GLRA3: variants seen among roughly 807,000 people sequenced by gnomAD.
The protein encoded by GLRA3 is glycine receptor subunit alpha-3.
A neutral mutation model predicts 60.4 loss-of-function variants in GLRA3; 44 were observed. The ratio of observed to expected loss-of-function variants is 0.73; its 90% confidence interval spans 0.57 to 0.94. The LOEUF is 0.94. Among genes scored for constraint, GLRA3 ranks in the 40% least tolerant of loss-of-function variants. The probability of loss-of-function intolerance (pLI) is 0.00; values close to 1 mark genes in which losing one functional copy is unlikely to be tolerated. For synonymous variants in GLRA3, 223 were observed against 192.9 expected (o/e 1.16, Z -1.29); for missense variants, 508 against 564.6 (o/e 0.90, Z 1.02).
chr4:174,791,511 T>C (rs1026828729), intron 1 of GLRA3, among the ~76,000 whole-genome samples: 14 of 152,236 alleles, frequency 9.2e-5, no homozygotes, highest in African/African-American at 3.4e-4. Flanking sequence ...TCTGTCATGC[T>C]GCTTTTCAAC....
At chr4:174,658,080 A>G (rs1733282230) in intron 8 of GLRA3, among the ~76,000 whole-genome samples, 1 of 152,198 alleles carries the variant, frequency 6.6e-6, no homozygotes, top group Non-Finnish European at 1.5e-5. Context: ...ATAATTTATA[A>G]AGAAACCTTA....
chr4:174,747,184 G>A (rs1375444695), intron 3 of GLRA3, among the ~76,000 whole-genome samples: 1 of 152,164 alleles, frequency 6.6e-6, no homozygotes, highest in Non-Finnish European at 1.5e-5. Flanking sequence ...GTGGCCATGT[G>A]ACCTAAGAGG....
Position 174,788,860 on chromosome 4 carries a change from C to A in GLRA3, c.155G>T (p.Gly52Val). The A allele has an allele frequency of 6.2e-7, 1 of 1,607,718 alleles. No individual in the cohort carries two copies. The highest frequency in any genetic ancestry group is 8.5e-7 in the Non-Finnish European group (1 of 1,175,182). ...TCTTGCATCATATCCTGATGTCCTG[C>A]CCATTAATTTATCCAGAAAATCAGA... ...SPSDFLDKLMGRTSGYDARIR... is the reference protein window; with the variant it reads ...SPSDFLDKLMVRTSGYDARIR... Residue 52 changes from glycine (G) to valine (V), a missense_variant, in exon 2 of 10, where the codon GGC becomes GTC. Gly to Val is a moderately radical substitution (Grantham distance 109, BLOSUM62 -3). Transcript: ENST00000274093.
chr4:174,798,788 G>A (rs1308729498), intron 1 of GLRA3, among the ~76,000 whole-genome samples: 6 of 152,170 alleles, frequency 3.9e-5, no homozygotes, highest in African/African-American at 4.8e-5. Context: ...GCTGGGTGTG[G>A]TGGTGAGCGC....
chr4:174,669,737 T>C (rs559517655), intron 7 of GLRA3, among the ~76,000 whole-genome samples: 4 of 152,054 alleles, frequency 2.6e-5, no homozygotes, highest in East Asian at 1.9e-4. Context: ...TACCACACTT[T>C]GCTAATTAAA....
intron 1 of GLRA3, among the ~76,000 whole-genome samples, chr4:174,797,694 C>T (rs10027130): frequency 3.3e-5 from 5 of 151,748 alleles, no homozygotes; most frequent in East Asian, 1.9e-4. Context: ...CAGCACCGGG[C>T]GGCCAAGGTG....
Position 174,769,010 on chromosome 4 carries a change from G to A in GLRA3, c.200-1980C>T, listed in dbSNP as rs79763373. ...TTCTTTGTTTTTTTTTAAACTGAGCGTAATTTTTGAGTAAATTGATCTTAC... is the reference window on the plus strand; with the variant it reads ...TTCTTTGTTTTTTTTTAAACTGAGCATAATTTTTGAGTAAATTGATCTTAC... On this transcript the variant is annotated intron_variant, in intron 2 of 9. Coordinates refer to ENST00000274093, the MANE Select transcript of GLRA3 (RefSeq NM_006529.4). 5.4e-3 allele frequency among the ~76,000 whole-genome samples: 814 copies of A among 152,054 alleles called. 6 individuals carry two copies. The highest frequency in any genetic ancestry group is 0.019 in the African/African-American group (768 of 41,496).
At chr4:174,757,409 A>T (rs1561099038) in intron 3 of GLRA3, among the ~76,000 whole-genome samples, 1 of 152,186 alleles carries the variant, frequency 6.6e-6, no homozygotes, top group Non-Finnish European at 1.5e-5. Context: ...TAAAAGAAAA[A>T]GAATTCTTGC....
rs546072156 is a variant in GLRA3, at chr4:174,763,647, G to T, written c.267+3316C>A. On this transcript the variant is annotated intron_variant, in intron 3 of 9. Transcript: ENST00000274093. ...ATCCACAACTCATCATAGGTTTGCAGGAGCACACTTCATATAAAAGCCACT... is the reference window on the plus strand; with the variant it reads ...ATCCACAACTCATCATAGGTTTGCATGAGCACACTTCATATAAAAGCCACT... Among the ~76,000 whole-genome samples, 13 of 152,224 alleles carry T rather than the reference G, an allele frequency of 8.5e-5. 1 individual carries two copies. The South Asian group carries it at 2.5e-3, about 29-fold the overall frequency.
chr4:174,677,834 G>A (rs1734191304), intron 6 of GLRA3, among the ~76,000 whole-genome samples: 1 of 152,306 alleles, frequency 6.6e-6, no homozygotes, highest in African/African-American at 2.4e-5. Flanking sequence ...GACTTGAAAA[G>A]TGCTTTACAC....
rs570517723 is a variant in GLRA3, at chr4:174,663,580, G to C, written c.928-4383C>G. Among the ~76,000 whole-genome samples, 9 of 152,268 alleles carry C rather than the reference G, an allele frequency of 5.9e-5. No individual in the cohort carries two copies. The East Asian group carries it at 1.7e-3, about 29-fold the overall frequency. The stretch of plus-strand genomic sequence containing the variant: ...TCTGCTAATTGTTAACAGCTTAAAA[G>C]CATTGAGCCTAAAGGCCTACTTTCC... On this transcript the variant is annotated intron_variant, in intron 7 of 9. Coordinates refer to ENST00000274093, the MANE Select transcript of GLRA3 (RefSeq NM_006529.4).
At chr4:174,766,112 A>T (rs1738133406) in intron 3 of GLRA3, among the ~76,000 whole-genome samples, 1 of 152,028 alleles carries the variant, frequency 6.6e-6, no homozygotes, top group South Asian at 2.1e-4. Flanking sequence ...CTAAGTAAAT[A>T]GAACATAATT....
At chr4:174,675,688 A>G (rs1053925474) in intron 7 of GLRA3, among the ~76,000 whole-genome samples, 9 of 152,202 alleles carry the variant, frequency 5.9e-5, no homozygotes, top group African/African-American at 2.2e-4. Context: ...TAATTTTCAC[A>G]TGAAAAATAT....
At chr4:174,705,682 G>A (rs1428007489) in intron 5 of GLRA3, among the ~76,000 whole-genome samples, 2 of 99,492 alleles carry the variant, frequency 2.0e-5, no homozygotes, top group East Asian at 4.7e-4. Context: ...CTACAAGTGG[G>A]CTATATTAAC....
At chr4:174,679,276 T>A (rs1382503129) in intron 6 of GLRA3, among the ~76,000 whole-genome samples, 1 of 151,830 alleles carries the variant, frequency 6.6e-6, no homozygotes, top group East Asian at 1.9e-4. Context: ...AGCGGAGATC[T>A]TGCCACTACA....
At chr4:174,726,735 A>G (rs1436089300) in intron 4 of GLRA3, among the ~76,000 whole-genome samples, 1 of 151,968 alleles carries the variant, frequency 6.6e-6, no homozygotes, top group Non-Finnish European at 1.5e-5. Context: ...TGTTATACAT[A>G]CTGTGTCCAG....
At chr4:174,822,990 G>T (rs975169217) in intron 1 of GLRA3, among the ~76,000 whole-genome samples, 3 of 152,084 alleles carry the variant, frequency 2.0e-5, no homozygotes, top group Non-Finnish European at 4.4e-5. Flanking sequence ...AACATCTCAG[G>T]ATTTAAAACT....
In GLRA3 at chr4:174,829,043, T is replaced by A; in HGVS notation, c.-232A>T. ...GTGCAGGTGATTTTTACAGTGAAAT[T>A]ACAAAAATGAGTGAGATGAAATGTC... On this transcript the variant is annotated 5_prime_UTR_variant, in exon 1 of 10. Transcript: ENST00000274093. The A allele has an allele frequency of 2.2e-6, 1 of 463,404 alleles. No homozygotes were observed. Among genetic ancestry groups the A allele is most frequent in the Non-Finnish European group, 3.9e-6 (1 of 257,222 alleles). 28.7% of individuals were successfully genotyped at this position (463,404 alleles called of 1,614,324 possible). A position where few individuals can be genotyped will look rare whatever the true frequency, so the allele number is the denominator to read the frequency against.
intron 3 of GLRA3, among the ~76,000 whole-genome samples, chr4:174,749,162 T>C (rs1737363512): frequency 6.6e-6 from 1 of 152,170 alleles, no homozygotes; most frequent in South Asian, 2.1e-4. Flanking sequence ...CAGCAGTGTG[T>C]TCCTGGAGCC....
Sources: gnomAD v4.1 joint callset for allele counts (sites outside exome capture counted in the v4.1 genomes callset) on GRCh38, gnomAD v4.1.1 for gene constraint, MANE v1.5 for transcripts, NCBI Gene and HGNC (gene_info 2026-07-23, HGNC 2026-07-21) for gene names.